The following MGAT4C variants were observed in gnomAD, a reference collection of about 807,000 sequenced individuals.
MGAT4C encodes alpha-1,3-mannosyl-glycoprotein 4-beta-N-acetylglucosaminyltransferase C.
A neutral mutation model predicts 40.1 loss-of-function variants in MGAT4C; 19 were observed. The observed-to-expected ratio is 0.47, with a 90% CI of 0.33 to 0.70. The LOEUF is 0.70. MGAT4C is among the 30% of genes least tolerant of loss of function. The pLI, the probability that MGAT4C is intolerant of heterozygous loss-of-function variation, is 0.02. For missense variants in MGAT4C, 491 were observed against 563.2 expected, an observed-to-expected ratio of 0.87 and a Z score of 1.30; for synonymous variants, 181 against 187.1, an observed-to-expected ratio of 0.97 and a Z score of 0.27.
At chr12:86,764,072 C>G (rs181741782) in intron 1 of MGAT4C, among the ~76,000 whole-genome samples, 2 of 151,980 alleles carry the variant, frequency 1.3e-5, no homozygotes, top group Admixed American at 1.3e-4. Context: ...TTGCCTCACT[C>G]CAGAAGCGCA....
chr12:86,128,974 C>T (rs558515432), intron 1 of MGAT4C, among the ~76,000 whole-genome samples: 23 of 152,130 alleles, frequency 1.5e-4, no homozygotes, highest in African/African-American at 4.8e-4. Flanking sequence ...GAAGATCAGT[C>T]GGCTGTAAGT....
intron 4 of MGAT4C, among the ~76,000 whole-genome samples, chr12:86,289,982 G>C (rs1953465313): frequency 6.6e-6 from 1 of 152,032 alleles, no homozygotes; most frequent in African/African-American, 2.4e-5. Flanking sequence ...TCCTTAAAAA[G>C]AGACATCATA....
chr12:86,138,658 T>A, intron 1 of MGAT4C, among the ~76,000 whole-genome samples: 1 of 147,430 alleles, frequency 6.8e-6, no homozygotes, highest in East Asian at 2.0e-4. Context: ...TATATTTCCA[T>A]ATATATCATA....
At chr12:86,559,823 TA>T (rs1484839952) in intron 2 of MGAT4C, among the ~76,000 whole-genome samples, 1 of 151,882 alleles carries the variant, frequency 6.6e-6, no homozygotes, top group Non-Finnish European at 1.5e-5. Flanking sequence ...AATTAGAGAA[TA>T]AAGAAACATA....
chr12:86,344,750 GTGTGTA>G (rs1225349985), intron 3 of MGAT4C, among the ~76,000 whole-genome samples: 93 of 120,998 alleles, frequency 7.7e-4, no homozygotes, highest in African/African-American at 2.1e-3. Flanking sequence ...GTGTGTGTGT[GTGTGTA>G]TGTGTGTGTG....
At chr12:86,047,692 G>A (rs1199683901) in intron 2 of MGAT4C, among the ~76,000 whole-genome samples, 1 of 152,074 alleles carries the variant, frequency 6.6e-6, no homozygotes, top group Non-Finnish European at 1.5e-5. Context: ...ATTCATTCCT[G>A]AGTGCTGCCT....
intron 1 of MGAT4C, among the ~76,000 whole-genome samples, chr12:86,080,012 C>T (rs1870533048): frequency 6.6e-6 from 1 of 151,996 alleles, no homozygotes. Flanking sequence ...CTACTCTACT[C>T]CTGCCTAGAC....
In MGAT4C at chr12:86,127,193, G is replaced by T. The variant is rs1389982372; in HGVS notation, c.-56-77470C>A. On this transcript the variant is annotated intron_variant, in intron 1 of 4. Coordinates refer to ENST00000611864, the MANE Select transcript of MGAT4C (RefSeq NM_001351288.2). ...CTGGTATAGCCCACTACATACCTAG[G>T]CTATATGGTGTAGCCTATTGCTCCT... 3.3e-5 allele frequency among the ~76,000 whole-genome samples: 5 copies of T among 152,288 alleles called. No homozygotes were observed. In the East Asian group the frequency reaches 9.6e-4, roughly 29 times the overall value.
intron 2 of MGAT4C, among the ~76,000 whole-genome samples, chr12:86,715,426 T>C (rs1433523843): frequency 6.6e-6 from 1 of 152,152 alleles, no homozygotes; most frequent in African/African-American, 2.4e-5. Flanking sequence ...TTTCTTGATC[T>C]GGGTGCTGAT....
At chr12:86,244,104 A>T (rs892787746) in intron 1 of MGAT4C, among the ~76,000 whole-genome samples, 4 of 152,182 alleles carry the variant, frequency 2.6e-5, no homozygotes, top group Non-Finnish European at 4.4e-5. Flanking sequence ...TACTAAGAAC[A>T]GCAGCATCTT....
chr12:86,517,581 T>C (rs1158184460), intron 2 of MGAT4C, among the ~76,000 whole-genome samples: 2 of 152,134 alleles, frequency 1.3e-5, no homozygotes, highest in Admixed American at 1.3e-4. Flanking sequence ...GCACTATGGT[T>C]CCAAAATAGG....
chr12:86,603,528 TATATAGTCTATAGACTATAG>T lies in MGAT4C; in HGVS notation c.-229+123661_-229+123680del, dbSNP rs1565877977. On this transcript the variant is annotated intron_variant, in intron 2 of 7. Transcript: ENST00000548651. ...TATATAGTCTATAGTCTATAGACTATATATAGTCTATAGACTATAGATAATATATAGTCTATAGACTATAG... is the reference window on the plus strand; with the variant it reads ...TATATAGTCTATAGTCTATAGACTATATAATATATAGTCTATAGACTATAG... Among the ~76,000 whole-genome samples, 23 of 21,918 alleles carry T rather than the reference TATATAGTCTATAGACTATAG, an allele frequency of 1.0e-3. 1 individual carries two copies. The highest frequency in any genetic ancestry group is 0.083 in the Middle Eastern group (1 of 12). The allele number at this position is 21,918 out of a possible 152,430, so 14.4% of individuals were successfully genotyped here.
chr12:86,602,708 T>G (rs1322067932), intron 2 of MGAT4C, among the ~76,000 whole-genome samples: 1 of 152,148 alleles, frequency 6.6e-6, no homozygotes, highest in Admixed American at 6.6e-5. Flanking sequence ...AAATGTTTGT[T>G]CAAGAGATGT....
intron 1 of MGAT4C, among the ~76,000 whole-genome samples, chr12:86,830,916 T>C (rs995678222): frequency 2.6e-5 from 4 of 151,754 alleles, no homozygotes; most frequent in Non-Finnish European, 5.9e-5. Flanking sequence ...TACTAAAGGT[T>C]TAAAGATAAC....
intron 2 of MGAT4C, among the ~76,000 whole-genome samples, chr12:86,481,669 G>A (rs1189631666): frequency 2.0e-5 from 3 of 151,614 alleles, no homozygotes; most frequent in Non-Finnish European, 2.9e-5. Flanking sequence ...TAGAATTCTA[G>A]TTAACTATCC....
rs1223117010 is a variant in MGAT4C at position 85,976,860 on chromosome 12, T to TA, written c.*2428dup. The TA allele has an allele frequency of 2.0e-5, 3 of 150,928 alleles. No individual in the cohort carries two copies. The highest frequency in any genetic ancestry group is 7.2e-5 in the African/African-American group (3 of 41,380). 9.3% of individuals were successfully genotyped at this position (150,928 alleles called of 1,614,324 possible). The stretch of plus-strand genomic sequence containing the variant: ...TAGGAAATAGAACATTGGGCCATGC[T>TA]AAAAAAATTGTTCAGATTTTCTTTT... On this transcript the variant is annotated 3_prime_UTR_variant, in exon 5 of 5. Transcript: ENST00000611864.
At chr12:86,031,919 C>T (rs1890790798) in intron 2 of MGAT4C, among the ~76,000 whole-genome samples, 2 of 151,862 alleles carry the variant, frequency 1.3e-5, no homozygotes, top group Middle Eastern at 3.4e-3. Context: ...CTTTCTCTTA[C>T]CCTACACCTC....
chr12:86,263,366 T>C (rs562184702), intron 4 of MGAT4C, among the ~76,000 whole-genome samples: 1 of 152,278 alleles, frequency 6.6e-6, no homozygotes, highest in African/African-American at 2.4e-5. Flanking sequence ...TTATCTATCA[T>C]TATACTCTCT....
In MGAT4C at chr12:86,708,017, A is replaced by T. The variant is rs185995708; in HGVS notation, c.-229+19192T>A. On this transcript the variant is annotated intron_variant, in intron 2 of 7. Transcript: ENST00000548651. The stretch of plus-strand genomic sequence containing the variant: ...CCAGCTGCAGAAATTTGCATAAGTA[A>T]CAAGGAGCTGAATGCTAATCCCCAA... Among the ~76,000 whole-genome samples the T allele has an allele frequency of 3.6e-4, 55 of 152,366 alleles. 1 individual carries two copies. Among genetic ancestry groups the T allele is most frequent in the African/African-American group, 1.3e-3 (54 of 41,592 alleles).
Sources: gnomAD v4.1 joint callset for allele counts (sites outside exome capture counted in the v4.1 genomes callset) on GRCh38, gnomAD v4.1.1 for gene constraint, MANE v1.5 for transcripts, NCBI Gene and HGNC (gene_info 2026-07-23, HGNC 2026-07-21) for gene names.